The following EFCAB5 variants were observed in gnomAD, a reference collection of about 807,000 sequenced individuals.
The protein encoded by EFCAB5 is EF-hand calcium-binding domain-containing protein 5.
EFCAB5 carries 131 observed loss-of-function variants against 167.9 expected under a neutral mutation model. The ratio of observed to expected loss-of-function variants is 0.78; its 90% CI spans 0.68 to 0.90. The LOEUF is 0.90. Ranked by LOEUF, EFCAB5 falls within the 40% of genes least tolerant of loss-of-function variation. EFCAB5 has a pLI of 0.00. For synonymous variants in EFCAB5, 574 were observed against 602.8 expected, an observed-to-expected ratio of 0.95 and a Z score of 0.70; for missense variants, 1,663 against 1,745.2, an observed-to-expected ratio of 0.95 and a Z score of 0.84.
chr17:30,079,896 A>G (rs906396482), intron 15 of EFCAB5, among the ~76,000 whole-genome samples, 176 bp from the exon 16 acceptor site: 1 of 152,236 alleles, frequency 6.6e-6, no homozygotes, highest in African/African-American at 2.4e-5. Context: ...TCAGACTTAC[A>G]GGATAGCTAT....
intron 1 of EFCAB5, chr17:29,930,074 G>T: frequency 7.9e-7 from 1 of 1,258,442 alleles, no homozygotes; most frequent in South Asian, 1.3e-5. Flanking sequence ...GACGGAGCCG[G>T]GATGGGGAAA....
rs1278098592 is a variant in EFCAB5 at position 29,988,606 on chromosome 17, T to C, written c.768-4559T>C. The stretch of plus-strand genomic sequence containing the variant: ...TCAAAAATTGAAACAGTTTTGTTTT[T>C]AGGAAAATGATTATCGAGAATACTC... On this transcript the variant is annotated intron_variant, in intron 4 of 22. Coordinates refer to ENST00000394835, the MANE Select transcript of EFCAB5 (RefSeq NM_198529.4). 2.0e-5 allele frequency among the ~76,000 whole-genome samples: 3 copies of C among 152,360 alleles called. No individual in the cohort carries two copies. In the East Asian group the frequency reaches 5.8e-4, roughly 29 times the overall value.
At chr17:29,934,102 T>G (rs970217716) in intron 1 of EFCAB5, among the ~76,000 whole-genome samples, 5 of 152,238 alleles carry the variant, frequency 3.3e-5, no homozygotes, top group African/African-American at 4.8e-5. Flanking sequence ...AGATTGCTTC[T>G]GTAAACATAA....
intron 7 of EFCAB5, among the ~76,000 whole-genome samples, chr17:30,027,258 T>C (rs556938503): frequency 1.6e-4 from 24 of 150,320 alleles, no homozygotes; most frequent in Admixed American, 2.6e-4. Flanking sequence ...GTGCTGGCAT[T>C]ACAGGCGTGA....
intron 7 of EFCAB5, among the ~76,000 whole-genome samples, chr17:30,011,068 T>G (rs999667068): frequency 1.4e-4 from 21 of 152,148 alleles, no homozygotes; most frequent in African/African-American, 4.8e-4. Flanking sequence ...TTTCCCCATT[T>G]CTTGTTTTTG....
chr17:30,057,163 G>C (rs181543920), intron 12 of EFCAB5, among the ~76,000 whole-genome samples: 277 of 152,172 alleles, frequency 1.8e-3, no homozygotes, highest in African/African-American at 5.7e-3. Flanking sequence ...CTGTTTTCAG[G>C]CACAACTAGA....
At chr17:30,000,860 A>AT (rs1273091244) in intron 7 of EFCAB5, among the ~76,000 whole-genome samples, 1 of 152,214 alleles carries the variant, frequency 6.6e-6, no homozygotes, top group African/African-American at 2.4e-5. Context: ...ACAGTTGTTT[A>AT]TATCTCCCCT....
intron 4 of EFCAB5, among the ~76,000 whole-genome samples, chr17:29,980,381 C>T (rs1167262554): frequency 6.6e-6 from 1 of 152,226 alleles, no homozygotes; most frequent in Non-Finnish European, 1.5e-5. Flanking sequence ...CGTATACACT[C>T]TCCCCACTTC....
rs187964301 is a variant in EFCAB5, at chr17:30,019,897, T to C, written c.1045-14333T>C. On this transcript the variant is annotated intron_variant, in intron 7 of 22. Coordinates refer to ENST00000394835, the MANE Select transcript of EFCAB5 (RefSeq NM_198529.4). ...TTTATCAACATTTTTAATTGACAAA[T>C]TATAATACGTGTATTTATGTACAAC... Among the ~76,000 whole-genome samples the C allele has an allele frequency of 2.1e-3, 326 of 152,276 alleles. 1 individual carries two copies. The highest frequency in any genetic ancestry group is 7.7e-3 in the African/African-American group (321 of 41,556).
chr17:30,098,622 C>A (rs2071338144), intron 22 of EFCAB5, among the ~76,000 whole-genome samples: 1 of 152,164 alleles, frequency 6.6e-6, no homozygotes, highest in Non-Finnish European at 1.5e-5. Context: ...CCACACCTGG[C>A]TTTCCATTGT....
chr17:29,986,637 ATTTT>A (rs911310972), intron 4 of EFCAB5, among the ~76,000 whole-genome samples: 1 of 58,054 alleles, frequency 1.7e-5, no homozygotes, highest in African/African-American at 7.0e-5. Flanking sequence ...GAGTATATTC[ATTTT>A]TTTTTTTTTT....
chr17:30,010,027 A>AT (rs1193286353), intron 7 of EFCAB5, among the ~76,000 whole-genome samples: 1 of 152,044 alleles, frequency 6.6e-6, no homozygotes, highest in Non-Finnish European at 1.5e-5. Context: ...TCATTGTTCA[A>AT]TTCCCACCTA....
intron 18 of EFCAB5, among the ~76,000 whole-genome samples, chr17:30,085,748 A>T (rs1358511042): frequency 1.3e-5 from 2 of 152,040 alleles, no homozygotes; most frequent in African/African-American, 4.8e-5. Flanking sequence ...AGAAAAGAAA[A>T]GAAATAAATT....
chr17:30,033,790 T>C (rs1410871200), intron 7 of EFCAB5, among the ~76,000 whole-genome samples: 1 of 152,236 alleles, frequency 6.6e-6, no homozygotes, highest in Non-Finnish European at 1.5e-5. Context: ...AAGCCACCCA[T>C]GATCCTTGTC....
At chr17:29,941,071 G>T (rs555167597), upstream of EFCAB5, among the ~76,000 whole-genome samples, 1 of 151,824 alleles carries the variant, frequency 6.6e-6, no homozygotes, top group East Asian at 1.9e-4. Flanking sequence ...AAGTGAATAC[G>T]CTAGAGCATT....
intron 5 of EFCAB5, among the ~76,000 whole-genome samples, chr17:29,993,767 TGAATGATTAAAAATA>T (rs1453050940): frequency 6.6e-6 from 1 of 151,980 alleles, no homozygotes; most frequent in Non-Finnish European, 1.5e-5. Flanking sequence ...CAGTTTAAAG[TGAATGATTAAAAATA>T]GATCAAGGAA....
At position 29,974,588 on chromosome 17, in the gene EFCAB5, A is replaced by G. The variant is rs987343589; in HGVS notation, c.767+5221A>G. Among the ~76,000 whole-genome samples, 20 of 152,286 alleles carry G rather than the reference A, an allele frequency of 1.3e-4. No homozygotes were observed. In the East Asian group the frequency reaches 3.9e-3, roughly 29 times the overall value. On this transcript the variant is annotated intron_variant, in intron 4 of 22. Coordinates refer to ENST00000394835, the MANE Select transcript of EFCAB5 (RefSeq NM_198529.4). ...CTCACTAGGTATATATATGTAAAAA[A>G]TAGAGCCATGCAAAAAACTAGAAAA... is the stretch of plus-strand genomic sequence containing the variant.
chr17:29,948,884 G>C (rs1437835741), intron 3 of EFCAB5, among the ~76,000 whole-genome samples: 1 of 152,024 alleles, frequency 6.6e-6, no homozygotes, highest in Non-Finnish European at 1.5e-5. Flanking sequence ...TTTATCTATT[G>C]AATTTTAATT....
chr17:30,048,475 A>T (rs762276809), intron 8 of EFCAB5, among the ~76,000 whole-genome samples: 1 of 151,794 alleles, frequency 6.6e-6, no homozygotes, highest in African/African-American at 2.4e-5. Context: ...GTCTATGTAG[A>T]AGGTGGAGGA....
Sources: gnomAD v4.1 joint callset for allele counts (sites outside exome capture counted in the v4.1 genomes callset) on GRCh38, gnomAD v4.1.1 for gene constraint, MANE v1.5 for transcripts, NCBI Gene and HGNC (gene_info 2026-07-23, HGNC 2026-07-21) for gene names.